The following ATP6V0A2 variants were observed in gnomAD, a reference collection of about 807,000 sequenced individuals.
The protein encoded by ATP6V0A2 is V-type proton ATPase 116 kDa subunit a 2.
A neutral mutation model predicts 104.4 loss-of-function variants in ATP6V0A2; 58 were observed. That is an observed-to-expected ratio of 0.56 (90% CI 0.45 to 0.69). The LOEUF is 0.69. ATP6V0A2 is among the 30% of genes least tolerant of loss of function. The pLI, the probability that ATP6V0A2 is intolerant of heterozygous loss-of-function variation, is 0.00. For missense variants in ATP6V0A2, 938 were observed against 1,062.9 expected (o/e 0.88, Z 1.63); for synonymous variants, 376 against 397.9 (o/e 0.95, Z 0.65).
At chr12:123,716,957 C>CTGTG (rs1414582387) in intron 1 of ATP6V0A2, among the ~76,000 whole-genome samples, 2 of 152,142 alleles carry the variant, frequency 1.3e-5, no homozygotes, top group Non-Finnish European at 1.5e-5. Context: ...GTTGTCTGGA[C>CTGTG]ATTCCATGTA....
At position 123,758,116 on chromosome 12, in the gene ATP6V0A2, GA is replaced by G; in HGVS notation, c.*89del. ...TTCACTTATGTCAGATTTATGATAGGAAAAATTCCATCTTCATTACTGCCTT... is the reference window on the plus strand; with the variant it reads ...TTCACTTATGTCAGATTTATGATAGGAAAATTCCATCTTCATTACTGCCTT... On this transcript the variant is annotated 3_prime_UTR_variant, in exon 20 of 20. Transcript: ENST00000330342. 3.0e-6 allele frequency: 3 copies of G among 1,007,266 alleles called. No homozygotes were observed. Among genetic ancestry groups the G allele is most frequent in the Non-Finnish European group, 4.7e-6 (3 of 644,418 alleles). The allele number at this position is 1,007,266 out of a possible 1,614,324, so 62.4% of individuals were successfully genotyped here.
At position 123,712,407 on chromosome 12, in the gene ATP6V0A2, C is replaced by T. The variant is rs1956300873; in HGVS notation, c.-159C>T. 7.7e-6 allele frequency: 3 copies of T among 389,328 alleles called. No individual in the cohort carries two copies. Among genetic ancestry groups the T allele is most frequent in the African/African-American group, 2.1e-5 (1 of 47,294 alleles). The allele number at this position is 389,328 out of a possible 1,614,324, so 24.1% of individuals were successfully genotyped here. On this transcript the variant is annotated 5_prime_UTR_variant, in exon 1 of 20. Transcript: ENST00000330342. ...TGGAGCGGCGGCCGCGGTGGCAGAACCGGGGGCGGCCGCTGCAGTCTGGAG... is the reference window on the plus strand; with the variant it reads ...TGGAGCGGCGGCCGCGGTGGCAGAATCGGGGGCGGCCGCTGCAGTCTGGAG...
rs1390474120 is a variant in ATP6V0A2 at position 123,756,903 on chromosome 12, C to T, written c.2382C>T (p.Ile794=). The T allele has an allele frequency of 5.6e-6, 9 of 1,614,070 alleles. No homozygotes were observed. Among genetic ancestry groups the T allele is most frequent in the Non-Finnish European group, 6.8e-6 (8 of 1,180,052 alleles). ...GCGTCTTGCTACTGCTCCCGGTTAT[C>T]GCGCTCTTTGCAGTTTTGACCATTT... ...TYGVLLLLPV[I]ALFAVLTIFI... is the part of the protein sequence containing the mutation. The change falls in exon 19 of 20, where the codon ATC becomes ATT. Residue 794 remains isoleucine (I), a synonymous_variant. Transcript: ENST00000330342.
At chr12:123,752,161 A>G in intron 16 of ATP6V0A2, 122 bp from the exon 17 acceptor site, 1 of 1,369,534 alleles carries the variant, frequency 7.3e-7, no homozygotes, top group African/African-American at 1.4e-5. Flanking sequence ...TGCCTAGCCT[A>G]AAGAACTTTT....
intron 18 of ATP6V0A2, 141 bp from the exon 19 acceptor site, chr12:123,756,674 T>TG (rs1956767098): frequency 2.5e-6 from 2 of 808,706 alleles, no homozygotes; most frequent in Non-Finnish European, 4.0e-6. Flanking sequence ...GAGAAACAGT[T>TG]GGGTCTGTGT....
rs752306671 is a variant in ATP6V0A2 at position 123,737,153 on chromosome 12, C to G, written c.920C>G (p.Ala307Gly). Residue 307 changes from alanine to glycine, a missense_variant, in exon 9 of 20, where the codon GCC (alanine) becomes GGC (glycine). Coordinates refer to ENST00000330342, the MANE Select transcript of ATP6V0A2 (RefSeq NM_012463.4). ...GTGATCCAGGTGAAGAAAATGAAGG[C>G]CATCTATCACATGCTGAACATGTGC... ...SRVIQVKKMK[A>G]IYHMLNMCSF... 4.0e-5 allele frequency: 65 copies of G among 1,614,182 alleles called. No individual in the cohort carries two copies. In the Admixed American group the frequency reaches 6.0e-4, roughly 15 times the overall value.
intron 2 of ATP6V0A2, among the ~76,000 whole-genome samples, chr12:123,721,985 C>T (rs1239974764): frequency 6.6e-6 from 1 of 152,158 alleles, no homozygotes; most frequent in African/African-American, 2.4e-5. Context: ...CTTCATTCTG[C>T]CCCTGTAGAT....
At chr12:123,747,569 T>G (rs1448045246) in intron 13 of ATP6V0A2, 38 bp from the exon 14 acceptor site, 2 of 1,373,052 alleles carry the variant, frequency 1.5e-6, no homozygotes. Flanking sequence ...TTGAAGGAAG[T>G]TAAAGATTCT....
At chr12:123,714,841 G>A (rs141986153) in intron 1 of ATP6V0A2, among the ~76,000 whole-genome samples, 1 of 152,196 alleles carries the variant, frequency 6.6e-6, no homozygotes, top group South Asian at 2.1e-4. Context: ...CAGCACTTTC[G>A]GAGGCCAAGG....
chr12:123,759,959 T>C lies in ATP6V0A2; in HGVS notation c.*1927T>C, dbSNP rs1021427742. 1 of 152,200 alleles carries C rather than the reference T, an allele frequency of 6.6e-6. No homozygotes were observed. The highest frequency in any genetic ancestry group is 6.5e-5 in the Admixed American group (1 of 15,280). 9.4% of individuals were successfully genotyped at this position (152,200 alleles called of 1,614,324 possible). ...AGAAAGGTGTCATGTCGGGCACTTG[T>C]GTTGGGTGACTATGACATCCCAGCA... On this transcript the variant is annotated 3_prime_UTR_variant, in exon 20 of 20. Coordinates refer to ENST00000330342, the MANE Select transcript of ATP6V0A2 (RefSeq NM_012463.4).
In ATP6V0A2 at chr12:123,756,890, T is replaced by C. The variant is rs1394385186; in HGVS notation, c.2369T>C (p.Leu790Pro). Residue 790 changes from leucine (L) to proline (P), a missense_variant, in exon 19 of 20, where the codon CTG becomes CCG. Physicochemically the swap from Leu to Pro is moderately conservative, Grantham distance 98 (BLOSUM62 -3). Transcript: ENST00000330342. ...GACACCACCTATGGCGTCTTGCTAC[T>C]GCTCCCGGTTATCGCGCTCTTTGCA... is the stretch of plus-strand genomic sequence containing the variant. ...RVDTTYGVLL[L>P]LPVIALFAVL... The C allele has an allele frequency of 1.2e-6, 2 of 1,614,150 alleles. No individual in the cohort carries two copies. The highest frequency in any genetic ancestry group is 1.1e-5 in the South Asian group (1 of 91,092).
rs770469751 is a variant in ATP6V0A2 at position 123,745,010 on chromosome 12, C to G, written c.1605+38C>G. ...CGCTCTGTCGTTGTCTCTGGATGCT[C>G]TGTGGTGCCACCTAGCTTCGGGCGC... is the stretch of plus-strand genomic sequence containing the variant. On this transcript the variant is annotated intron_variant, in intron 13 of 19. Coordinates refer to ENST00000330342, the MANE Select transcript of ATP6V0A2 (RefSeq NM_012463.4). 9.4e-6 allele frequency: 15 copies of G among 1,590,770 alleles called. 1 individual carries two copies. Among genetic ancestry groups the G allele is most frequent in the Middle Eastern group, 1.7e-4 (1 of 5,898 alleles).
intron 2 of ATP6V0A2, among the ~76,000 whole-genome samples, chr12:123,721,030 C>G (rs1385671778): frequency 6.6e-6 from 1 of 152,158 alleles, no homozygotes; most frequent in Admixed American, 6.5e-5. Flanking sequence ...CTCTCTCCCT[C>G]TGTAAACCAG....
intron 15 of ATP6V0A2, among the ~76,000 whole-genome samples, 187 bp downstream of exon 15, chr12:123,748,972 G>A (rs562303723): frequency 6.6e-6 from 1 of 152,236 alleles, no homozygotes; most frequent in East Asian, 1.9e-4. Flanking sequence ...GACCAAACTC[G>A]CTGCCACTCA....
intron 1 of ATP6V0A2, among the ~76,000 whole-genome samples, chr12:123,713,910 G>A (rs150340374): frequency 1.3e-5 from 2 of 152,224 alleles, no homozygotes; most frequent in African/African-American, 2.4e-5. Context: ...AGCCCCATAA[G>A]GCAGTTGCAA....
At chr12:123,752,238 C>T in intron 16 of ATP6V0A2, 45 bp from the exon 17 acceptor site, 4 of 1,613,190 alleles carry the variant, frequency 2.5e-6, no homozygotes, top group Non-Finnish European at 3.4e-6. Flanking sequence ...TTGTCACAAC[C>T]TTGTGGTTTT....
chr12:123,736,908 G>T, intron 8 of ATP6V0A2, 151 bp from the exon 9 acceptor site: 1 of 786,232 alleles, frequency 1.3e-6, no homozygotes, highest in Non-Finnish European at 2.2e-6. Flanking sequence ...GAGAAGGAAG[G>T]AATGGCTCCC....
At chr12:123,747,791 C>A in intron 14 of ATP6V0A2, 66 bp downstream of exon 14, 1 of 1,054,518 alleles carries the variant, frequency 9.5e-7, no homozygotes, top group Non-Finnish European at 1.5e-6. Flanking sequence ...AATTTTGCTT[C>A]TTGTTGGTGA....
intron 9 of ATP6V0A2, among the ~76,000 whole-genome samples, chr12:123,741,516 A>G (rs10773032): frequency 0.54 from 81,689 of 152,050 alleles, 23,806 homozygotes; most frequent in East Asian, 0.94. Flanking sequence ...GCTCACTGCA[A>G]TCTCAAACTC....
Sources: allele counts gnomAD v4.1 joint callset (sites outside exome capture counted in the v4.1 genomes callset), GRCh38; gene constraint gnomAD v4.1.1; transcripts MANE v1.5; gene names NCBI Gene and HGNC (gene_info 2026-07-23, HGNC 2026-07-21).